The following PIBF1 variants were observed in gnomAD, a reference collection of about 807,000 sequenced individuals.
PIBF1 encodes progesterone immunomodulatory binding factor 1, also known as progesterone-induced-blocking factor 1.
Under a neutral mutation model 112.5 loss-of-function variants are expected in PIBF1, and 90 were observed. The ratio of observed to expected loss-of-function variants is 0.80; its 90% CI spans 0.67 to 0.95. The LOEUF (loss-of-function observed/expected upper bound fraction) is 0.95. Among genes scored for constraint, PIBF1 ranks in the 40% least tolerant of loss-of-function variants. The pLI is 0.00. For synonymous variants in PIBF1, 301 were observed against 288.6 expected (o/e 1.04, Z -0.44); for missense variants, 915 against 852.3 (o/e 1.07, Z -0.92).
At chr13:72,981,694 T>C (rs558743206) in intron 16 of PIBF1, among the ~76,000 whole-genome samples, 11 of 152,358 alleles carry the variant, frequency 7.2e-5, no homozygotes, top group African/African-American at 2.2e-4. Flanking sequence ...TATGTACTTA[T>C]AGTAGTACCA....
chr13:72,998,744 ATATTT>A, intron 16 of PIBF1, 73 bp from the exon 17 acceptor site: 2 of 931,476 alleles, frequency 2.1e-6, no homozygotes. Context: ...CTACTTAAAA[ATATTT>A]TAATATTAAT....
At chr13:72,804,525 G>T (rs1482861256) in intron 5 of PIBF1, among the ~76,000 whole-genome samples, 2 of 152,162 alleles carry the variant, frequency 1.3e-5, no homozygotes. Context: ...TAGGTATAGG[G>T]CAGGACGCCT....
In PIBF1 at chr13:72,827,767, A is replaced by T. The variant is rs763313237; in HGVS notation, c.950A>T (p.Gln317Leu). Residue 317 changes from glutamine (Q) to leucine (L), a missense_variant, in exon 8 of 18, where the codon CAA becomes CTA. Transcript: ENST00000326291. Reference sequence around the variant, plus strand: ...TTAGAGCAAACTGTTACTTTACTGCAAAAGGATAAAGAATATCTTAATCGC... The same window carrying T: ...TTAGAGCAAACTGTTACTTTACTGCTAAAGGATAAAGAATATCTTAATCGC... ...VTLEQTVTLL[Q>L]KDKEYLNRQN... 1.0e-5 allele frequency: 16 copies of T among 1,594,794 alleles called. No individual in the cohort carries two copies. In the Admixed American group the frequency reaches 1.6e-4, roughly 16 times the overall value.
intron 10 of PIBF1, among the ~76,000 whole-genome samples, chr13:72,889,909 G>A (rs2039995884): frequency 6.6e-6 from 1 of 152,102 alleles, no homozygotes; most frequent in Non-Finnish European, 1.5e-5. Flanking sequence ...TGTAATACAA[G>A]CCATGAACAT....
At chr13:72,998,158 G>A (rs1213738165) in intron 16 of PIBF1, among the ~76,000 whole-genome samples, 1 of 152,064 alleles carries the variant, frequency 6.6e-6, no homozygotes, top group Admixed American at 6.6e-5. Context: ...GAATTCAAAG[G>A]AAATGCGACA....
At chr13:72,883,811 A>G (rs2039737860) in intron 10 of PIBF1, among the ~76,000 whole-genome samples, 1 of 152,190 alleles carries the variant, frequency 6.6e-6, no homozygotes, top group African/African-American at 2.4e-5. Context: ...TAAAATAACT[A>G]GACCAGGTGT....
rs1393317972 is a variant in PIBF1, at chr13:72,999,433, A to G, written c.2223+438A>G. 3.3e-5 allele frequency among the ~76,000 whole-genome samples: 5 copies of G among 152,306 alleles called. 1 individual carries two copies. The highest frequency in any genetic ancestry group is 5.9e-5 in the Non-Finnish European group (4 of 68,000). On this transcript the variant is annotated intron_variant, in intron 17 of 17. Transcript: ENST00000326291. ...AGAATCAAGATTAAAAGGCAAGAGA[A>G]TTAAAATAGGAGTAACATTATTAAA...
rs771274046 is a variant in PIBF1 at position 72,827,729 on chromosome 13, G to A, written c.916-4G>A. 12 of 1,523,368 alleles carry A rather than the reference G, an allele frequency of 7.9e-6. No homozygotes were observed. In the East Asian group the frequency reaches 2.9e-4, roughly 37 times the overall value. The allele number at this position is 1,523,368 out of a possible 1,614,324, so 94.4% of individuals were successfully genotyped here. A position where few individuals can be genotyped will look rare whatever the true frequency, so the allele number is the denominator to read the frequency against. ...GGATACTTTTTGTTTCTACATGTAT[G>A]TAGGTAGTCACCTTAGAGCAAACTG... On this transcript the variant is annotated splice_region_variant and splice_polypyrimidine_tract_variant and intron_variant, in intron 7 of 17. Transcript: ENST00000326291.
At chr13:72,893,690 T>C (rs1209896476) in intron 10 of PIBF1, 94 bp from the exon 11 acceptor site, 18 of 651,272 alleles carry the variant, frequency 2.8e-5, no homozygotes, top group Middle Eastern at 4.7e-4. Context: ...TCCACAAATA[T>C]GGGGGAGTAG....
chr13:72,828,471 C>A (rs1457610115), intron 8 of PIBF1, among the ~76,000 whole-genome samples: 1 of 152,080 alleles, frequency 6.6e-6, no homozygotes, highest in Non-Finnish European at 1.5e-5. Context: ...GTTCCCCTCC[C>A]TGTGTCCACG....
intron 10 of PIBF1, among the ~76,000 whole-genome samples, chr13:72,891,359 CTG>C (rs2040049181): frequency 6.6e-6 from 1 of 152,098 alleles, no homozygotes; most frequent in Non-Finnish European, 1.5e-5. Context: ...AATATGGTCT[CTG>C]TATGTCCTAG....
At chr13:72,847,588 G>T (rs891463310) in intron 9 of PIBF1, among the ~76,000 whole-genome samples, 2 of 152,122 alleles carry the variant, frequency 1.3e-5, no homozygotes, top group African/African-American at 4.8e-5. Context: ...AGTTTTGGAG[G>T]ACAAAAACTT....
chr13:72,784,430 A>C (rs1351673218), intron 2 of PIBF1, among the ~76,000 whole-genome samples: 1 of 151,942 alleles, frequency 6.6e-6, no homozygotes, highest in East Asian at 1.9e-4. Flanking sequence ...TGGGCAACAC[A>C]GCAAGACTCT....
intron 9 of PIBF1, among the ~76,000 whole-genome samples, chr13:72,837,127 T>C (rs184207562): frequency 1.3e-5 from 2 of 152,194 alleles, no homozygotes; most frequent in Admixed American, 6.5e-5. Flanking sequence ...ATCTTAGCAG[T>C]AGACAAACTA....
chr13:72,931,395 A>G (rs2041692434), intron 14 of PIBF1, 128 bp downstream of exon 14: 1 of 697,948 alleles, frequency 1.4e-6, no homozygotes, highest in Non-Finnish European at 2.5e-6. Context: ...ACAATTTATG[A>G]AACTAACTGA....
At chr13:72,939,735 T>C (rs1394684457) in intron 14 of PIBF1, among the ~76,000 whole-genome samples, 1 of 152,196 alleles carries the variant, frequency 6.6e-6, no homozygotes, top group Non-Finnish European at 1.5e-5. Context: ...TCATTTCTTT[T>C]AAGTGTATAC....
chr13:72,902,431 G>T (rs1331544533), intron 11 of PIBF1, among the ~76,000 whole-genome samples: 2 of 143,228 alleles, frequency 1.4e-5, no homozygotes, highest in Non-Finnish European at 3.1e-5. Context: ...AAAAAAAAAA[G>T]AATTGATTGT....
rs773793275 is a variant in PIBF1 at position 72,965,351 on chromosome 13, T to C, written c.1911T>C (p.Asp637=). ...TCATTGAATCAGTGCGTCAGAGAGA[T>C]TCTAAGATTGATTCACTGACGGAAT... ...RYLIESVRQR[D]SKIDSLTESI... Residue 637 remains aspartate (D), a synonymous_variant, in exon 15 of 18, where the codon GAT becomes GAC. Coordinates refer to ENST00000326291, the MANE Select transcript of PIBF1 (RefSeq NM_006346.4). 8 of 1,610,146 alleles carry C rather than the reference T, an allele frequency of 5.0e-6. No individual in the cohort carries two copies. The African/African-American group carries it at 1.1e-4, about 22-fold the overall frequency.
chr13:72,900,708 A>T (rs939715355), intron 11 of PIBF1, among the ~76,000 whole-genome samples: 2 of 152,180 alleles, frequency 1.3e-5, no homozygotes, highest in African/African-American at 4.8e-5. Context: ...CCATGACCAG[A>T]AACCCAAAAG....
Sources: gnomAD v4.1 joint callset for allele counts (sites outside exome capture counted in the v4.1 genomes callset) on GRCh38, gnomAD v4.1.1 for gene constraint, MANE v1.5 for transcripts, NCBI Gene and HGNC (gene_info 2026-07-23, HGNC 2026-07-21) for gene names.